NLGN4X: variants seen among roughly 807,000 people sequenced by gnomAD.
NLGN4X encodes neuroligin-4, X-linked.
Under a neutral mutation model 40.3 loss-of-function variants are expected in NLGN4X, and 3 were observed. The observed-to-expected ratio is 0.07, with a 90% CI of 0.03 to 0.19. The LOEUF (loss-of-function observed/expected upper bound fraction) is 0.19. NLGN4X is among the 10% of genes least tolerant of loss of function. The pLI, the probability that NLGN4X is intolerant of heterozygous loss-of-function variation, is 1.00. For missense variants in NLGN4X, 382 were observed against 708.3 expected (o/e 0.54, Z 5.23); for synonymous variants, 270 against 306.8 (o/e 0.88, Z 1.25).
At position 6,102,758 on chromosome X, in the gene NLGN4X, GCATA is replaced by G. The variant is rs1320268453; in HGVS notation, c.472+48233_472+48236del. Among the ~76,000 whole-genome samples, 3 of 110,381 alleles carry G rather than the reference GCATA, an allele frequency of 2.7e-5. No individual in the cohort carries two copies. The Admixed American group carries it at 2.9e-4, about 11-fold the overall frequency. The stretch of plus-strand genomic sequence containing the variant: ...TATATATATAGATACATACATATAT[GCATA>G]CATACATACATAGATACATAGAGAT... On this transcript the variant is annotated intron_variant, in intron 2 of 5. Coordinates refer to ENST00000381095, the MANE Select transcript of NLGN4X (RefSeq NM_181332.3).
chrX:6,199,864 T>G (rs1923438003), intron 1 of NLGN4X, among the ~76,000 whole-genome samples: 1 of 111,872 alleles, frequency 8.9e-6, no homozygotes, highest in Non-Finnish European at 1.9e-5. Flanking sequence ...TTTTGGTAAA[T>G]CATGCTAATT....
At chrX:6,218,985 G>A (rs1413879375) in intron 1 of NLGN4X, among the ~76,000 whole-genome samples, 1 of 53,472 alleles carries the variant, frequency 1.9e-5, no homozygotes, top group Non-Finnish European at 3.6e-5. Context: ...CCCTGATTCG[G>A]GAGTTCTTAT....
chrX:6,139,132 C>T (rs913820772), intron 2 of NLGN4X, among the ~76,000 whole-genome samples: 13 of 111,610 alleles, frequency 1.2e-4, no homozygotes, highest in African/African-American at 3.6e-4. Context: ...TGGATTAGTA[C>T]ATTTCCAATA....
At chrX:6,077,756 C>G (rs758908327) in intron 2 of NLGN4X, among the ~76,000 whole-genome samples, 24 of 111,614 alleles carry the variant, frequency 2.2e-4, no homozygotes, top group Non-Finnish European at 3.9e-4. Flanking sequence ...TTCACTAACT[C>G]AACCAAAAAG....
chrX:5,961,966 T>A (rs942389421), intron 3 of NLGN4X, among the ~76,000 whole-genome samples: 2 of 111,794 alleles, frequency 1.8e-5, no homozygotes, highest in Non-Finnish European at 3.8e-5. Context: ...CAAAGAAAAA[T>A]TGAACACATT....
intron 2 of NLGN4X, among the ~76,000 whole-genome samples, chrX:6,086,654 C>T (rs1349256069): frequency 9.0e-6 from 1 of 111,434 alleles, no homozygotes. Context: ...TTTTTAAGGA[C>T]GGGGTCTTGT....
chrX:5,934,643 T>C (rs1224342395), intron 3 of NLGN4X, among the ~76,000 whole-genome samples: 5 of 112,023 alleles, frequency 4.5e-5, no homozygotes, highest in African/African-American at 1.6e-4. Context: ...CAAGCTAGGC[T>C]CCACTGCACC....
rs945536205 is a variant in NLGN4X at position 5,953,853 on chromosome X, G to C, written c.626-44614C>G. Among the ~76,000 whole-genome samples, 4 of 111,893 alleles carry C rather than the reference G, an allele frequency of 3.6e-5. 1 individual carries two copies. The South Asian group carries it at 1.5e-3, about 42-fold the overall frequency. On this transcript the variant is annotated intron_variant, in intron 3 of 5. Coordinates refer to ENST00000381095, the MANE Select transcript of NLGN4X (RefSeq NM_181332.3). ...ACCACAGCATTATTGGCAATGATAG[G>C]AGATGCCCCACGGAAGCCCAAGGCA...
At chrX:6,146,056 A>T (rs1255770873) in intron 2 of NLGN4X, among the ~76,000 whole-genome samples, 1 of 108,771 alleles carries the variant, frequency 9.2e-6, no homozygotes, top group Middle Eastern at 4.3e-3. Flanking sequence ...TTGAGGCTGC[A>T]GGGAGCTATG....
intron 3 of NLGN4X, among the ~76,000 whole-genome samples, chrX:5,944,740 C>A (rs1172324735): frequency 1.9e-5 from 2 of 107,987 alleles, no homozygotes; most frequent in Non-Finnish European, 1.9e-5. Flanking sequence ...AAGAAGAAAT[C>A]AGCCAAAAGA....
chrX:6,029,685 T>C (rs2036804699), intron 2 of NLGN4X, among the ~76,000 whole-genome samples: 1 of 111,271 alleles, frequency 9.0e-6, no homozygotes, highest in African/African-American at 3.3e-5. Flanking sequence ...TAAGCTTCTA[T>C]ATATATCTAA....
At chrX:6,165,540 C>T (rs1457492715) in intron 1 of NLGN4X, among the ~76,000 whole-genome samples, 1 of 111,744 alleles carries the variant, frequency 8.9e-6, no homozygotes, top group Non-Finnish European at 1.9e-5. Context: ...GATATTGACA[C>T]TTCCAAGCTT....
At chrX:6,179,099 AAAGGAAGGAAGGAAGG>A (rs750508795) in intron 1 of NLGN4X, among the ~76,000 whole-genome samples, 7 of 78,205 alleles carry the variant, frequency 9.0e-5, no homozygotes, top group Non-Finnish European at 1.6e-4. Context: ...ACCCTGAAAA[AAAGGAAGGAAGGAAGG>A]AAGGAAGGAA....
chrX:6,087,205 C>T (rs2038518583), intron 2 of NLGN4X, among the ~76,000 whole-genome samples: 1 of 111,313 alleles, frequency 9.0e-6, no homozygotes, highest in Admixed American at 9.5e-5. Flanking sequence ...CTAAGGGCAC[C>T]GTACCATAGT....
chrX:5,953,431 C>T (rs1292246443), intron 3 of NLGN4X, among the ~76,000 whole-genome samples: 3 of 111,217 alleles, frequency 2.7e-5, no homozygotes, highest in Non-Finnish European at 5.7e-5. Flanking sequence ...CAAAAATAAT[C>T]TGTTGTATAT....
chrX:6,194,063 T>C (rs1569292378), intron 1 of NLGN4X, among the ~76,000 whole-genome samples: 1 of 111,271 alleles, frequency 9.0e-6, no homozygotes. Context: ...GTGTCTATGG[T>C]CCCAGCGGAC....
chrX:6,219,163 A>G (rs1014123233), intron 1 of NLGN4X, among the ~76,000 whole-genome samples: 32 of 97,911 alleles, frequency 3.3e-4, no homozygotes, highest in African/African-American at 1.1e-3. Context: ...GTGTGTGTGT[A>G]TATATATATA....
chrX:6,096,907 T>C (rs1474454288), intron 2 of NLGN4X, among the ~76,000 whole-genome samples: 2 of 110,126 alleles, frequency 1.8e-5, no homozygotes, highest in East Asian at 5.7e-4. Context: ...AGTACGAAGT[T>C]GCCAAGGACA....
At position 5,903,849 on chromosome X, in the gene NLGN4X, T is replaced by C. The variant is rs1239405120; in HGVS notation, c.829A>G (p.Ile277Val). Reference sequence around the variant, plus strand: ...GACAGGGCGGTGCCGCTCTGAATGATGGCCTTCTGGAAGAGACCTGCAGGT... The same window carrying C: ...GACAGGGCGGTGCCGCTCTGAATGACGGCCTTCTGGAAGAGACCTGCAGGT... ...HYSEGLFQKA[I>V]IQSGTALSSW... is the part of the protein sequence containing the mutation. The change falls in exon 5 of 6, where the codon ATC becomes GTC. Residue 277 changes from isoleucine (I) to valine (V), a missense_variant. Physicochemically the swap from Ile to Val is conservative, Grantham distance 29 (BLOSUM62 3). This residue lies in a region of NLGN4X where 32 missense variants were observed against 85.2 expected (regional missense o/e 0.38). Coordinates refer to ENST00000381095, the MANE Select transcript of NLGN4X (RefSeq NM_181332.3). 10 of 1,212,027 alleles carry C rather than the reference T, an allele frequency of 8.3e-6. No homozygotes were observed. The highest frequency in any genetic ancestry group is 1.7e-5 in the African/African-American group (1 of 57,850).
Sources: gnomAD v4.1 joint callset for allele counts (sites outside exome capture counted in the v4.1 genomes callset) on GRCh38, gnomAD v4.1.1 for gene constraint, gnomAD v4.1.1 regional missense constraint, MANE v1.5 for transcripts, NCBI Gene and HGNC (gene_info 2026-07-23, HGNC 2026-07-21) for gene names.